The following SYNJ1 variants were observed in gnomAD, a reference collection of about 807,000 sequenced individuals.
The protein encoded by SYNJ1 is synaptojanin 1.
SYNJ1 carries 78 observed loss-of-function variants against 168.2 expected under a neutral mutation model. The observed-to-expected ratio is 0.46, with a 90% confidence interval of 0.39 to 0.56. The LOEUF (loss-of-function observed/expected upper bound fraction) is 0.56, where lower values mean the gene tolerates loss of function less well. Ranked by LOEUF, SYNJ1 falls within the 20% of genes least tolerant of loss-of-function variation. The pLI is 0.00. For synonymous variants in SYNJ1, 539 were observed against 548.6 expected (o/e 0.98, Z 0.24); for missense variants, 1,303 against 1,597.6 (o/e 0.82, Z 3.14).
rs559362294 is a variant in SYNJ1, at chr21:32,673,664, G to C, written c.1535-133C>G. The C allele has an allele frequency of 7.3e-6, 5 of 682,284 alleles. No homozygotes were observed. The African/African-American group carries it at 9.4e-5, about 13-fold the overall frequency. The allele number at this position is 682,284 out of a possible 1,614,324, so 42.3% of individuals were successfully genotyped here. ...AAGCACAAACAAGCAAAAGATACAG[G>C]CACAGGCACAAAAAAAGATCAGCCT... On this transcript the variant is annotated intron_variant, in intron 13 of 32. Coordinates refer to ENST00000674351, the MANE Select transcript of SYNJ1 (RefSeq NM_203446.3).
Position 32,638,781 on chromosome 21 carries a change from TATAAA to T in SYNJ1, c.3915+122_3915+126del, listed in dbSNP as rs1223659782. On this transcript the variant is annotated intron_variant, in intron 31 of 32. Coordinates refer to ENST00000674351, the MANE Select transcript of SYNJ1 (RefSeq NM_203446.3). ...ACACATATATATGTATAATAACAAA[TATAAA>T]AAGAAAATTAAAACTCGTATTTATT... 2.3e-5 allele frequency: 20 copies of T among 869,582 alleles called. 1 individual carries two copies. Among genetic ancestry groups the T allele is most frequent in the Non-Finnish European group, 3.2e-5 (19 of 597,778 alleles). 53.9% of individuals were successfully genotyped at this position (869,582 alleles called of 1,614,324 possible).
intron 25 of SYNJ1, 146 bp from the exon 26 acceptor site, chr21:32,645,152 T>C: frequency 1.5e-6 from 1 of 678,392 alleles, no homozygotes; most frequent in Non-Finnish European, 2.3e-6. Flanking sequence ...TATTATTCAA[T>C]GCATATGCTT....
intron 6 of SYNJ1, among the ~76,000 whole-genome samples, chr21:32,691,472 T>C (rs140128767): frequency 1.5e-3 from 227 of 152,366 alleles, no homozygotes; most frequent in African/African-American, 4.9e-3. Context: ...GACTTGGGTA[T>C]TTCTTTACAG....
intron 18 of SYNJ1, among the ~76,000 whole-genome samples, chr21:32,659,227 A>G (rs2040583441): frequency 6.6e-6 from 1 of 152,054 alleles, no homozygotes; most frequent in African/African-American, 2.4e-5. Context: ...AAAAAAAAAC[A>G]GCCCTAAAGA....
Position 32,639,736 on chromosome 21 carries a change from T to C in SYNJ1, c.3632A>G (p.His1211Arg), listed in dbSNP as rs1286645399. ...RAGVISAPQS[H>R]ARASAGRLTP... ...CAGTCTTCCAGCAGATGCCCGCGCG[T>C]GGCTCTGTGGGGCACTGATAACTCC... The change falls in exon 30 of 33, where the codon CAC (histidine) becomes CGC (arginine). Residue 1211 changes from histidine (H) to arginine (R), a missense_variant. Around this residue, in one of 2 missense-constraint regions of SYNJ1, gnomAD observed 383 missense variants for 388.8 expected, o/e 0.99. Coordinates refer to ENST00000674351, the MANE Select transcript of SYNJ1 (RefSeq NM_203446.3). 1.2e-6 allele frequency: 2 copies of C among 1,613,836 alleles called. No individual in the cohort carries two copies. Among genetic ancestry groups the C allele is most frequent in the African/African-American group, 1.3e-5 (1 of 74,920 alleles).
intron 24 of SYNJ1, chr21:32,646,013 C>T: frequency 1.2e-6 from 1 of 811,354 alleles, no homozygotes; most frequent in Non-Finnish European, 2.1e-6. Context: ...ACCTAGGCCT[C>T]AGGTGCTGAA....
intron 2 of SYNJ1, among the ~76,000 whole-genome samples, chr21:32,711,793 T>G (rs1396747613): frequency 6.6e-6 from 1 of 152,228 alleles, no homozygotes; most frequent in Non-Finnish European, 1.5e-5. Context: ...TTGATTTTCA[T>G]GAGTTGTGGC....
chr21:32,670,988 T>C (rs2041164022), intron 14 of SYNJ1: 1 of 182,212 alleles, frequency 5.5e-6, no homozygotes, highest in Non-Finnish European at 1.0e-5. Flanking sequence ...GCCCCAAGTT[T>C]CTAGAAATGA....
chr21:32,688,346 T>C lies in SYNJ1; in HGVS notation c.811A>G (p.Met271Val), dbSNP rs771336672. The change falls in exon 7 of 33, where the codon ATG becomes GTG. Residue 271 changes from methionine (M) to valine (V), a missense_variant. Around this residue, in one of 2 missense-constraint regions of SYNJ1, gnomAD observed 920 missense variants for 1,208.8 expected, o/e 0.76. Transcript: ENST00000674351. The stretch of plus-strand genomic sequence containing the variant: ...GCATTGGCTTCAAATCCCCTTGACA[T>C]ACGGACACGATGAGATCCCACCTTA... ...GLQVGSHRVR[M>V]SRGFEANAPA... 2.5e-6 allele frequency: 4 copies of C among 1,613,714 alleles called. No individual in the cohort carries two copies. Among genetic ancestry groups the C allele is most frequent in the Non-Finnish European group, 2.5e-6 (3 of 1,179,900 alleles).
chr21:32,634,069 G>A (rs572530159), intron 32 of SYNJ1, among the ~76,000 whole-genome samples: 9 of 152,100 alleles, frequency 5.9e-5, no homozygotes, highest in South Asian at 2.1e-4. Context: ...AGATAGAATC[G>A]TCTGCAACAC....
chr21:32,728,056 G>GGCGGAAGATCCGCCCCGC, upstream of SYNJ1: 2 of 1,526,952 alleles, frequency 1.3e-6, no homozygotes, highest in South Asian at 1.2e-5. Flanking sequence ...CGCGGCCGGG[G>GGCGGAAGATCCGCCCCGC]GCGGAAGATC....
At chr21:32,696,539 C>T (rs913545893) in intron 4 of SYNJ1, among the ~76,000 whole-genome samples, 1 of 152,094 alleles carries the variant, frequency 6.6e-6, no homozygotes, top group Non-Finnish European at 1.5e-5. Context: ...AAGGAAAATA[C>T]ATTGTTAAGT....
At chr21:32,634,991 A>G in intron 31 of SYNJ1, 107 bp from the exon 32 acceptor site, 1 of 1,074,064 alleles carries the variant, frequency 9.3e-7, no homozygotes. Flanking sequence ...AGTTACAGAC[A>G]GAACCCAAGA....
chr21:32,662,885 G>A (rs140657063), intron 18 of SYNJ1, among the ~76,000 whole-genome samples: 1 of 152,010 alleles, frequency 6.6e-6, no homozygotes, highest in African/African-American at 2.4e-5. Flanking sequence ...CTTGATCCTC[G>A]CTGGAAAAAA....
intron 30 of SYNJ1, among the ~76,000 whole-genome samples, chr21:32,639,457 TCACGGC>T (rs2039729777): frequency 6.6e-6 from 1 of 152,214 alleles, no homozygotes; most frequent in Admixed American, 6.5e-5. Context: ...AGTGGTGTGA[TCACGGC>T]TTACCACAGT....
chr21:32,699,698 A>T, intron 4 of SYNJ1, 140 bp downstream of exon 4: 2 of 982,258 alleles, frequency 2.0e-6, no homozygotes, highest in Non-Finnish European at 3.0e-6. Context: ...CTCTGTAGCT[A>T]CTTGCTGCTG....
At chr21:32,675,587 C>T (rs2041376095) in intron 13 of SYNJ1, among the ~76,000 whole-genome samples, 1 of 152,068 alleles carries the variant, frequency 6.6e-6, no homozygotes, top group African/African-American at 2.4e-5. Flanking sequence ...AATAACTAAG[C>T]CAAACAATTC....
chr21:32,683,225 T>C (rs1449096300), intron 10 of SYNJ1, among the ~76,000 whole-genome samples: 2 of 152,042 alleles, frequency 1.3e-5, no homozygotes, highest in Non-Finnish European at 2.9e-5. Context: ...GCCACAGCCT[T>C]ATAACCTTAA....
At chr21:32,641,306 C>T (rs2145738183) in intron 29 of SYNJ1, among the ~76,000 whole-genome samples, 2 of 152,100 alleles carry the variant, frequency 1.3e-5, no homozygotes, top group South Asian at 4.1e-4. Flanking sequence ...TGTTATAGTC[C>T]AGAGAAAGTT....
Sources: allele counts gnomAD v4.1 joint callset (sites outside exome capture counted in the v4.1 genomes callset), GRCh38; gene constraint gnomAD v4.1.1; regional missense constraint gnomAD v4.1.1; transcripts MANE v1.5; gene names NCBI Gene and HGNC (gene_info 2026-07-23, HGNC 2026-07-21).